The following MARCHF7 variants were observed in gnomAD, a reference collection of about 807,000 sequenced individuals.
MARCHF7 encodes the protein E3 ubiquitin-protein ligase MARCHF7.
A neutral mutation model predicts 76.5 loss-of-function variants in MARCHF7; 20 were observed. That is an observed-to-expected ratio of 0.26 (90% confidence interval 0.18 to 0.38). The LOEUF (loss-of-function observed/expected upper bound fraction) is 0.38, where lower values mean the gene tolerates loss of function less well. Ranked by LOEUF, MARCHF7 falls within the 10% of genes least tolerant of loss-of-function variation. The probability of loss-of-function intolerance (pLI) is 1.00; values close to 1 mark genes in which losing one functional copy is unlikely to be tolerated. For missense variants in MARCHF7, 797 were observed against 812.9 expected, an observed-to-expected ratio of 0.98 and a Z score of 0.24; for synonymous variants, 295 against 293.0, an observed-to-expected ratio of 1.01 and a Z score of -0.07.
Position 159,770,767 on chromosome 2 carries a change from T to C in MARCHF7, c.*3425T>C, listed in dbSNP as rs1708119076. 6.6e-6 allele frequency: 1 copy of C among 152,162 alleles called. No homozygotes were observed. Among genetic ancestry groups the C allele is most frequent in the African/African-American group, 2.4e-5 (1 of 41,428 alleles). 9.4% of individuals were successfully genotyped at this position (152,162 alleles called of 1,614,324 possible). Reference sequence around the variant, plus strand: ...TGTAGGTTTGGGACAAAATAGGCTCTACCATCTGGGTTTGTGTAAATACAA... The same window carrying C: ...TGTAGGTTTGGGACAAAATAGGCTCCACCATCTGGGTTTGTGTAAATACAA... On this transcript the variant is annotated 3_prime_UTR_variant, in exon 12 of 12. Transcript: ENST00000409175.
At chr2:159,725,500 C>T (rs1486481504) in intron 3 of MARCHF7, among the ~76,000 whole-genome samples, 1 of 152,142 alleles carries the variant, frequency 6.6e-6, no homozygotes, top group Non-Finnish European at 1.5e-5. Context: ...AGTGTCTGTT[C>T]ATATCCTTCG....
rs141378965 is a variant in MARCHF7 at position 159,748,818 on chromosome 2, G to T, written c.1528G>T (p.Gly510Cys). Residue 510 changes from glycine to cysteine, a missense_variant, in exon 7 of 12, where the codon GGT becomes TGT. Physicochemically the swap from Gly to Cys is radical, Grantham distance 159 (BLOSUM62 -3). Coordinates refer to ENST00000409175, the MANE Select transcript of MARCHF7 (RefSeq NM_001282805.2). ...GATCACAGTAGATATTATTCCTTCA[G>T]GTTGGAATTCAGCTGATGGTAAAAG... Reference protein sequence around the residue: ...VMITVDIIPSGWNSADGKSDK... With the variant: ...VMITVDIIPSCWNSADGKSDK... 18 of 1,613,980 alleles carry T rather than the reference G, an allele frequency of 1.1e-5. No individual in the cohort carries two copies. The highest frequency in any genetic ancestry group is 1.4e-5 in the Non-Finnish European group (17 of 1,180,028).
At position 159,767,385 on chromosome 2, in the gene MARCHF7, A is replaced by T. The variant is rs1182876451; in HGVS notation, c.*43A>T. On this transcript the variant is annotated 3_prime_UTR_variant, in exon 12 of 12. Coordinates refer to ENST00000409175, the MANE Select transcript of MARCHF7 (RefSeq NM_001282805.2). Reference sequence around the variant, plus strand: ...GGATGATCTGTGAACATAAGTGTTTATTAAAAATGGCAATTAAATATAAAT... The same window carrying T: ...GGATGATCTGTGAACATAAGTGTTTTTTAAAAATGGCAATTAAATATAAAT... The T allele has an allele frequency of 6.9e-7, 1 of 1,440,642 alleles. No individual in the cohort carries two copies. The highest frequency in any genetic ancestry group is 1.2e-5 in the South Asian group (1 of 83,688). The allele number at this position is 1,440,642 out of a possible 1,614,324, so 89.2% of individuals were successfully genotyped here. A position where few individuals can be genotyped will look rare whatever the true frequency, so the allele number is the denominator to read the frequency against.
chr2:159,741,040 T>C (rs1386778626), intron 4 of MARCHF7, among the ~76,000 whole-genome samples: 1 of 152,028 alleles, frequency 6.6e-6, no homozygotes, highest in Non-Finnish European at 1.5e-5. Context: ...AAATTAATAA[T>C]TGAAGTATAA....
chr2:159,713,903 C>T (rs1046664605), intron 1 of MARCHF7, among the ~76,000 whole-genome samples: 2 of 152,104 alleles, frequency 1.3e-5, no homozygotes, highest in African/African-American at 2.4e-5. Context: ...CACTAGGGGA[C>T]ATAATACTAG....
chr2:159,764,878 CATGTAA>C (rs1707577726), intron 11 of MARCHF7, among the ~76,000 whole-genome samples: 1 of 148,122 alleles, frequency 6.8e-6, no homozygotes, highest in South Asian at 2.1e-4. Flanking sequence ...GGTATGGAAG[CATGTAA>C]TTTTAACTGC....
At chr2:159,766,681 G>T (rs1384760813) in intron 11 of MARCHF7, among the ~76,000 whole-genome samples, 2 of 152,134 alleles carry the variant, frequency 1.3e-5, no homozygotes, top group Admixed American at 1.3e-4. Context: ...CTGGCAGTGT[G>T]GAGACAGGGG....
At position 159,729,168 on chromosome 2, in the gene MARCHF7, A is replaced by G; in HGVS notation, c.146A>G (p.Glu49Gly). The G allele has an allele frequency of 6.3e-7, 1 of 1,592,538 alleles. No homozygotes were observed. Residue 49 changes from glutamate (E) to glycine (G), a missense_variant, in exon 4 of 12, where the codon GAA (glutamate) becomes GGA (glycine). Glu to Gly is a moderately conservative substitution (Grantham distance 98). Coordinates refer to ENST00000409175, the MANE Select transcript of MARCHF7 (RefSeq NM_001282805.2). ...SRDSSFRLDS[E>G]YQSTSASASA... ...GACTCTTCATTTAGATTGGATTCTG[A>G]ATATCAGGTAACATTTTTATTTGGA...
At chr2:159,742,400 G>A (rs1704233119) in intron 4 of MARCHF7, among the ~76,000 whole-genome samples, 1 of 151,918 alleles carries the variant, frequency 6.6e-6, no homozygotes, top group East Asian at 1.9e-4. Flanking sequence ...TTAGTGTTCT[G>A]TCTACCTCTA....
intron 4 of MARCHF7, chr2:159,733,085 A>G (rs1267785925): frequency 1.6e-6 from 1 of 614,488 alleles, no homozygotes; most frequent in Non-Finnish European, 2.0e-6. Flanking sequence ...ATAATTGTTA[A>G]CTTTTACTGT....
At position 159,738,496 on chromosome 2, in the gene MARCHF7, C is replaced by T. The variant is rs547802303; in HGVS notation, c.154-4565C>T. On this transcript the variant is annotated intron_variant, in intron 4 of 11. Coordinates refer to ENST00000409175, the MANE Select transcript of MARCHF7 (RefSeq NM_001282805.2). ...ACAGACAGTTGGAGGGTTAGCAAGG[C>T]GAAGAGGGGCTTTATTGAGCAGTAG... 1.2e-3 allele frequency among the ~76,000 whole-genome samples: 190 copies of T among 152,214 alleles called. 1 individual carries two copies. The highest frequency in any genetic ancestry group is 4.3e-3 in the African/African-American group (180 of 41,524).
At chr2:159,760,802 G>A (rs1706961949) in intron 9 of MARCHF7, among the ~76,000 whole-genome samples, 1 of 150,580 alleles carries the variant, frequency 6.6e-6, no homozygotes, top group African/African-American at 2.4e-5. Flanking sequence ...TATTTTCTAA[G>A]CATTTTAATG....
At chr2:159,759,570 T>C (rs1285942881) in intron 9 of MARCHF7, among the ~76,000 whole-genome samples, 2 of 152,130 alleles carry the variant, frequency 1.3e-5, no homozygotes, top group Non-Finnish European at 2.9e-5. Context: ...CCAACCTTAT[T>C]TCCCCATAGC....
intron 4 of MARCHF7, among the ~76,000 whole-genome samples, chr2:159,738,668 G>C (rs967318327): frequency 6.6e-6 from 1 of 152,176 alleles, no homozygotes; most frequent in African/African-American, 2.4e-5. Context: ...GGCTGAGTCA[G>C]ATTTTCATGG....
chr2:159,738,762 C>T (rs1195597081), intron 4 of MARCHF7, among the ~76,000 whole-genome samples: 1 of 152,192 alleles, frequency 6.6e-6, no homozygotes, highest in Non-Finnish European at 1.5e-5. Context: ...GTTCTCACTC[C>T]GGTCCGTGGA....
chr2:159,760,016 A>G (rs1157819886), intron 9 of MARCHF7, among the ~76,000 whole-genome samples: 1 of 152,198 alleles, frequency 6.6e-6, no homozygotes, highest in Non-Finnish European at 1.5e-5. Context: ...TTTACAAAAC[A>G]TAAAAACCAT....
chr2:159,756,580 G>A (rs1022133797), intron 8 of MARCHF7, among the ~76,000 whole-genome samples: 24 of 150,624 alleles, frequency 1.6e-4, no homozygotes, highest in African/African-American at 5.4e-4. Flanking sequence ...CCAGCTACTC[G>A]GGAGGCTGAG....
chr2:159,719,138 G>T (rs753694507), intron 3 of MARCHF7, among the ~76,000 whole-genome samples: 6 of 152,078 alleles, frequency 3.9e-5, no homozygotes, highest in Non-Finnish European at 8.8e-5. Flanking sequence ...CTACCGCCCG[G>T]CTAAATCTTT....
At chr2:159,748,995 T>C in intron 7 of MARCHF7, 92 bp downstream of exon 7, 1 of 1,280,036 alleles carries the variant, frequency 7.8e-7, no homozygotes, top group South Asian at 1.7e-5. Flanking sequence ...TTTTTTTTTT[T>C]TGAGACGGAG....
Sources: allele counts gnomAD v4.1 joint callset (sites outside exome capture counted in the v4.1 genomes callset), GRCh38; gene constraint gnomAD v4.1.1; transcripts MANE v1.5; gene names NCBI Gene and HGNC (gene_info 2026-07-23, HGNC 2026-07-21).